KIF7: variants seen among roughly 807,000 people sequenced by gnomAD.
KIF7 encodes the protein kinesin family member 7.
In KIF7, 104 loss-of-function variants were observed where a neutral mutation model predicts 135.7. The observed-to-expected ratio is 0.77, with a 90% CI of 0.65 to 0.90. The LOEUF is 0.90. KIF7 is among the 40% of genes least tolerant of loss of function. The pLI is 0.00. For synonymous variants in KIF7, 883 were observed against 809.4 expected, an observed-to-expected ratio of 1.09 and a Z score of -1.54; for missense variants, 2,005 against 1,839.1, an observed-to-expected ratio of 1.09 and a Z score of -1.65.
At chr15:89,626,989 A>G, downstream of KIF7, 1 of 1,614,096 alleles carries the variant, frequency 6.2e-7, no homozygotes, top group Admixed American at 1.7e-5. Flanking sequence ...TCCACTGTAG[A>G]AGACTCTCCT....
chr15:89,628,441 T>A lies in KIF7; in HGVS notation c.4010A>T (p.Asp1337Val), dbSNP rs777387974. The stretch of plus-strand genomic sequence containing the variant: ...GGCTTACAGGGGGTTTTTCCGGACA[T>A]CAATCATCCCCGGGCTGGCTCGTCG... ...ELRRASPGMIDVRKNPL is the reference protein window; with the variant it reads ...ELRRASPGMIVVRKNPL Residue 1337 changes from aspartate to valine, a missense_variant, in exon 19 of 19, where the codon GAT (aspartate) becomes GTT (valine). Coordinates refer to ENST00000394412, the MANE Select transcript of KIF7 (RefSeq NM_198525.3). 4 of 1,607,704 alleles carry A rather than the reference T, an allele frequency of 2.5e-6. No individual in the cohort carries two copies. Among genetic ancestry groups the A allele is most frequent in the Admixed American group, 1.7e-5 (1 of 59,518 alleles).
At position 89,632,819 on chromosome 15, in the gene KIF7, C is replaced by T. The variant is rs1160753200; in HGVS notation, c.2895+1G>A. On this transcript the variant is annotated splice_donor_variant, in intron 14 of 18. Transcript: ENST00000394412. LOFTEE classifies it high-confidence loss of function. ...CAGGATCTCTCCTGGCAGGGCCTCACCTGGCTGGATCTCAGGCGCTTGCTC... is the reference window on the plus strand; with the variant it reads ...CAGGATCTCTCCTGGCAGGGCCTCATCTGGCTGGATCTCAGGCGCTTGCTC... The T allele has an allele frequency of 1.9e-6, 3 of 1,603,764 alleles. No individual in the cohort carries two copies.
intron 1 of KIF7, among the ~76,000 whole-genome samples, chr15:89,618,894 G>A (rs1249138929): frequency 6.6e-6 from 1 of 152,246 alleles, no homozygotes; most frequent in Admixed American, 6.5e-5. Context: ...TGGAGTTCAA[G>A]GCTGCAGTGA....
chr15:89,629,451 C>T lies in KIF7; in HGVS notation c.3441G>A (p.Leu1147=), dbSNP rs763714349. The stretch of plus-strand genomic sequence containing the variant: ...GCAGGGTCAGCTGGCGGTCCATCTC[C>T]AGGCGCTGCCGCTCCAGGGCCACCT... The part of the protein sequence containing the change: ...WLEVALERQR[L]EMDRQLTLQQ... The change falls in exon 17 of 19, where the codon CTG becomes CTA. Residue 1147 remains leucine (L), a synonymous_variant. Coordinates refer to ENST00000394412, the MANE Select transcript of KIF7 (RefSeq NM_198525.3). 17 of 1,609,652 alleles carry T rather than the reference C, an allele frequency of 1.1e-5. No homozygotes were observed. The South Asian group carries it at 1.6e-4, about 16-fold the overall frequency.
chr15:89,619,538 A>T (rs1963389724), intron 1 of KIF7, among the ~76,000 whole-genome samples: 1 of 152,060 alleles, frequency 6.6e-6, no homozygotes, highest in Admixed American at 6.5e-5. Flanking sequence ...CATGTATCAA[A>T]CCCCTCTTAG....
At chr15:89,644,280 A>G (rs952839173) in intron 10 of KIF7, among the ~76,000 whole-genome samples, 4 of 152,122 alleles carry the variant, frequency 2.6e-5, no homozygotes, top group African/African-American at 4.8e-5. Context: ...GCATAACACA[A>G]TTTGGAGACG....
intron 12 of KIF7, 99 bp from the exon 13 acceptor site, chr15:89,633,365 C>G: frequency 1.4e-6 from 2 of 1,449,820 alleles, no homozygotes; most frequent in Admixed American, 3.9e-5. Context: ...TGCCCACTCC[C>G]AAGAGGGCCC....
rs767091542 is a variant in KIF7, at chr15:89,628,631, G to A, written c.3820C>T (p.Pro1274Ser). 1 of 1,613,154 alleles carries A rather than the reference G, an allele frequency of 6.2e-7. No homozygotes were observed. The highest frequency in any genetic ancestry group is 8.5e-7 in the Non-Finnish European group (1 of 1,179,980). Reference sequence around the variant, plus strand: ...AGGCTCGAGCGTTTCCAGGTCAAGGGTAACGGAGCGTGGACCAAGTCCCGC... The same window carrying A: ...AGGCTCGAGCGTTTCCAGGTCAAGGATAACGGAGCGTGGACCAAGTCCCGC... Reference protein sequence around the residue: ...ETRDLVHAPLPLTWKRSSLCG... With the variant: ...ETRDLVHAPLSLTWKRSSLCG... The change falls in exon 19 of 19, where the codon CCC (proline) becomes TCC (serine). Residue 1274 changes from proline to serine, a missense_variant. Transcript: ENST00000394412.
downstream of KIF7, chr15:89,625,037 A>G (rs1351971071): frequency 6.2e-7 from 1 of 1,613,906 alleles, no homozygotes; most frequent in Non-Finnish European, 8.5e-7. Flanking sequence ...CTTCGAATTA[A>G]GAAGATAGAC....
At chr15:89,625,664 G>A (rs141989878), downstream of KIF7, 1,406 of 1,613,760 alleles carry the variant, frequency 8.7e-4, 2 homozygotes, top group South Asian at 1.3e-3. Flanking sequence ...GAAGCTGACC[G>A]TGGAGCCAAA....
chr15:89,638,016 A>G (rs531098091), intron 11 of KIF7, among the ~76,000 whole-genome samples: 2,585 of 116,108 alleles, frequency 0.022, 104 homozygotes, highest in African/African-American at 0.071. Flanking sequence ...CTGGTTCAAT[A>G]TACGCAAATC....
intron 17 of KIF7, 108 bp downstream of exon 17, chr15:89,629,267 G>A: frequency 1.7e-6 from 2 of 1,212,104 alleles, no homozygotes; most frequent in Admixed American, 4.5e-5. Flanking sequence ...TGCAGGGGCT[G>A]TGAGTGGCAG....
chr15:89,645,576 G>C, intron 8 of KIF7, 125 bp from the exon 9 acceptor site: 1 of 824,556 alleles, frequency 1.2e-6, no homozygotes. Flanking sequence ...TATAAACCCA[G>C]GATGTGAGTC....
At chr15:89,653,503 C>A (rs1369261302) in intron 1 of KIF7, among the ~76,000 whole-genome samples, 1 of 152,204 alleles carries the variant, frequency 6.6e-6, no homozygotes, top group South Asian at 2.1e-4. Flanking sequence ...CCACTGACAT[C>A]GTGCCAGGAT....
At chr15:89,644,678 T>G (rs1048921273) in intron 10 of KIF7, among the ~76,000 whole-genome samples, 5 of 152,038 alleles carry the variant, frequency 3.3e-5, no homozygotes, top group Non-Finnish European at 5.9e-5. Context: ...AGTGAAACTC[T>G]TTCTCAAAAA....
chr15:89,630,845 G>T, intron 15 of KIF7: 1 of 408,116 alleles, frequency 2.5e-6, no homozygotes, highest in South Asian at 2.2e-5. Context: ...TACGTTCTAA[G>T]AAATGCATCA....
upstream of KIF7, among the ~76,000 whole-genome samples, chr15:89,658,845 C>T (rs770980601): frequency 1.6e-4 from 24 of 152,020 alleles, no homozygotes; most frequent in Non-Finnish European, 3.4e-4. Flanking sequence ...GCCTGGGTGA[C>T]AGAGTGAGAC....
At position 89,631,543 on chromosome 15, in the gene KIF7, G is replaced by A; in HGVS notation, c.3063C>T (p.Arg1021=). Residue 1021 remains arginine (R), a synonymous_variant, in exon 15 of 19, where the codon CGC becomes CGT. Coordinates refer to ENST00000394412, the MANE Select transcript of KIF7 (RefSeq NM_198525.3). ...GCCTCAGCTTGCCGTCGATCTCCAG[G>A]CGCTGCTTGAGCAGCGAGTCCTTCT... is the stretch of plus-strand genomic sequence containing the variant. ...RQEKDSLLKQ[R]LEIDGKLRQG... is the part of the protein sequence containing the mutation. 3 of 1,583,488 alleles carry A rather than the reference G, an allele frequency of 1.9e-6. No homozygotes were observed. Among genetic ancestry groups the A allele is most frequent in the Non-Finnish European group, 1.7e-6 (2 of 1,163,844 alleles).
intron 11 of KIF7, among the ~76,000 whole-genome samples, chr15:89,639,318 G>A (rs1486729485): frequency 6.6e-6 from 1 of 151,344 alleles, no homozygotes; most frequent in Non-Finnish European, 1.5e-5. Flanking sequence ...AAGAGCTTCT[G>A]CACAGCAAAA....
Sources: gnomAD v4.1 joint callset for allele counts (sites outside exome capture counted in the v4.1 genomes callset) on GRCh38, gnomAD v4.1.1 for gene constraint, MANE v1.5 for transcripts, NCBI Gene and HGNC (gene_info 2026-07-23, HGNC 2026-07-21) for gene names.